Variants in EXOSC9 observed in about 807,000 individuals in gnomAD.
EXOSC9 encodes the protein exosome complex component RRP45.
EXOSC9 carries 38 observed loss-of-function variants against 56.5 expected under a neutral mutation model. The ratio of observed to expected loss-of-function variants is 0.67; its 90% CI spans 0.52 to 0.88. EXOSC9 has a LOEUF of 0.88. Among genes scored for constraint, EXOSC9 ranks in the 40% least tolerant of loss-of-function variants. EXOSC9 has a pLI of 0.00. For synonymous variants in EXOSC9, 170 were observed against 170.8 expected (o/e 0.99, Z 0.04); for missense variants, 559 against 530.5 (o/e 1.05, Z -0.53).
At chr4:121,806,781 T>C (rs1425478942) in intron 5 of EXOSC9, among the ~76,000 whole-genome samples, 4 of 151,990 alleles carry the variant, frequency 2.6e-5, no homozygotes, top group African/African-American at 9.7e-5. Flanking sequence ...TCCATTTATA[T>C]AGAATGCTCA....
chr4:121,801,395 T>C lies in EXOSC9; in HGVS notation c.-30T>C. 6.2e-7 allele frequency: 1 copy of C among 1,608,778 alleles called. No individual in the cohort carries two copies. Among genetic ancestry groups the C allele is most frequent in the Non-Finnish European group, 8.5e-7 (1 of 1,175,100 alleles). ...CGGGTTCCGTTTTTCCCGCGGATTC[T>C]GGTGCCTGTGGGGCCGGTGACCCAA... is the stretch of plus-strand genomic sequence containing the variant. On this transcript the variant is annotated 5_prime_UTR_variant, in exon 1 of 12. Coordinates refer to ENST00000243498, the MANE Select transcript of EXOSC9 (RefSeq NM_005033.3).
rs1364652447 is a variant in EXOSC9 at position 121,801,503 on chromosome 4, G to A, written c.66+13G>A. ...CGAAGAGAAGAAGGTATGGTTTGGTGCCCGCAGAATTGCGCGCTGCGTGGG... is the reference window on the plus strand; with the variant it reads ...CGAAGAGAAGAAGGTATGGTTTGGTACCCGCAGAATTGCGCGCTGCGTGGG... On this transcript the variant is annotated intron_variant, in intron 1 of 11. Coordinates refer to ENST00000243498, the MANE Select transcript of EXOSC9 (RefSeq NM_005033.3). The A allele has an allele frequency of 1.2e-6, 2 of 1,613,862 alleles. No homozygotes were observed. The highest frequency in any genetic ancestry group is 1.7e-5 in the Admixed American group (1 of 60,026).
In EXOSC9 at chr4:121,801,930, A is replaced by T. The variant is rs527916449; in HGVS notation, c.161+9A>T. The stretch of plus-strand genomic sequence containing the variant: ...GAACTTGGAAAAACAAGGTAACAGG[A>T]TTTAAATGAGATACACATTCGGAAG... On this transcript the variant is annotated intron_variant, in intron 2 of 11. Coordinates refer to ENST00000243498, the MANE Select transcript of EXOSC9 (RefSeq NM_005033.3). 4 of 1,588,794 alleles carry T rather than the reference A, an allele frequency of 2.5e-6. No individual in the cohort carries two copies. The South Asian group carries it at 4.4e-5, about 18-fold the overall frequency.
At chr4:121,813,638 G>T (rs907852349) in intron 9 of EXOSC9, 2 of 533,192 alleles carry the variant, frequency 3.8e-6, no homozygotes, top group Admixed American at 3.4e-5. Flanking sequence ...AATGTTGAGA[G>T]AATCTGTCTC....
Position 121,816,838 on chromosome 4 carries a change from GAA to G in EXOSC9, c.1303_1304del (p.Lys435GlufsTer15). The G allele has an allele frequency of 6.3e-7, 1 of 1,592,390 alleles. No homozygotes were observed. Among genetic ancestry groups the G allele is most frequent in the African/African-American group, 1.4e-5 (1 of 73,862 alleles). ...SKKPVKRRKK[K>X]RAAN ...AAAAGCCAGTGAAAAGAAGAAAAAA[GAA>G]GAGAGCTGCCAATTAAAGCTAACAG... On this transcript the variant is annotated frameshift_variant, in exon 12 of 12. Transcript: ENST00000243498. LOFTEE classifies it high-confidence loss of function.
At chr4:121,814,781 G>C (rs1326689423) in intron 10 of EXOSC9, 3 of 152,138 alleles carry the variant, frequency 2.0e-5, no homozygotes, top group Non-Finnish European at 2.9e-5. Context: ...TAAGTAACTA[G>C]AATACTGGTA....
intron 2 of EXOSC9, 124 bp downstream of exon 2, chr4:121,802,045 T>A (rs1726884547): frequency 8.5e-6 from 6 of 701,928 alleles, no homozygotes; most frequent in Non-Finnish European, 1.2e-5. Context: ...CTGACAAAAA[T>A]AAGTATTTTT....
chr4:121,803,264 C>G (rs1304318333), intron 4 of EXOSC9, among the ~76,000 whole-genome samples: 1 of 151,974 alleles, frequency 6.6e-6, no homozygotes, highest in South Asian at 2.1e-4. Context: ...CACCCTTTAT[C>G]TTAAAAGGGT....
At chr4:121,816,672 C>T (rs1430291205) in intron 11 of EXOSC9, 100 bp from the exon 12 acceptor site, 2 of 1,217,368 alleles carry the variant, frequency 1.6e-6, no homozygotes, top group African/African-American at 1.6e-5. Context: ...TCATAGCTGA[C>T]ACATTTTAGA....
intron 8 of EXOSC9, among the ~76,000 whole-genome samples, chr4:121,812,648 G>T (rs1443260018): frequency 6.6e-6 from 1 of 152,000 alleles, no homozygotes; most frequent in Non-Finnish European, 1.5e-5. Flanking sequence ...ATACCACCAT[G>T]CCCGGCTAAT....
At position 121,802,846 on chromosome 4, in the gene EXOSC9, G is replaced by A. The variant is rs1726909678; in HGVS notation, c.281+53G>A. 3 of 1,612,404 alleles carry A rather than the reference G, an allele frequency of 1.9e-6. No homozygotes were observed. In the Admixed American group the frequency reaches 5.0e-5, roughly 27 times the overall value. ...TTAGTCATAGGAGAACCTAACAGCA[G>A]TGAGCTTTTGTTTTAATACCTGGTG... On this transcript the variant is annotated intron_variant, in intron 3 of 11. Transcript: ENST00000243498.
rs2149038876 is a variant in EXOSC9 at position 121,813,350 on chromosome 4, TC to T, written c.945del (p.Ile316LeufsTer28). ...TSDVEEKAEE[I>X]IAEAEPPSEV... is the part of the protein sequence containing the mutation. ...GATGTAGAAGAAAAAGCAGAAGAAA[TC>T]ATTGCTGAAGCAGAACCTCCTTCAG... On this transcript the variant is annotated frameshift_variant, in exon 9 of 12. Coordinates refer to ENST00000243498, the MANE Select transcript of EXOSC9 (RefSeq NM_005033.3). LOFTEE classifies it high-confidence loss of function. 3.1e-6 allele frequency: 5 copies of T among 1,613,494 alleles called. No homozygotes were observed. Among genetic ancestry groups the T allele is most frequent in the Non-Finnish European group, 3.4e-6 (4 of 1,179,758 alleles).
rs772000650 is a variant in EXOSC9, at chr4:121,813,870, T to C, written c.979T>C (p.Ser327Pro). 5 of 1,608,644 alleles carry C rather than the reference T, an allele frequency of 3.1e-6. No individual in the cohort carries two copies. The South Asian group carries it at 4.4e-5, about 14-fold the overall frequency. The change falls in exon 10 of 12, where the codon TCT becomes CCT. Residue 327 changes from serine to proline, a missense_variant. Physicochemically the swap from Ser to Pro is moderately conservative, Grantham distance 74. Coordinates refer to ENST00000243498, the MANE Select transcript of EXOSC9 (RefSeq NM_005033.3). ...CAGTTTTCTTAACTTGTTAAGTGTT[T>C]CTACACCTGTGCTATGGACTCCTGG... ...AEAEPPSEVVSTPVLWTPGTA... is the reference protein window; with the variant it reads ...AEAEPPSEVVPTPVLWTPGTA...
chr4:121,806,209 A>G (rs1157164628), intron 5 of EXOSC9, among the ~76,000 whole-genome samples: 1 of 149,950 alleles, frequency 6.7e-6, no homozygotes, highest in Non-Finnish European at 1.5e-5. Context: ...CTAGAGTACA[A>G]TGGCGTGATC....
At chr4:121,806,060 C>T (rs183931247) in intron 5 of EXOSC9, among the ~76,000 whole-genome samples, 412 of 152,150 alleles carry the variant, frequency 2.7e-3, no homozygotes, top group African/African-American at 9.3e-3. Context: ...CCACCTTGGC[C>T]TCCCAAACTG....
chr4:121,816,982 T>A lies in EXOSC9; in HGVS notation c.*126T>A, dbSNP rs534409022. 2.1e-5 allele frequency: 20 copies of A among 967,958 alleles called. No individual in the cohort carries two copies. The highest frequency in any genetic ancestry group is 2.8e-5 in the Non-Finnish European group (19 of 689,702). 60.0% of individuals were successfully genotyped at this position (967,958 alleles called of 1,614,324 possible). Reference sequence around the variant, plus strand: ...TAGCAGGATTTTAAAAATAGTTTTTTGTTTTTAATGTGCTTTAAAATAATA... The same window carrying A: ...TAGCAGGATTTTAAAAATAGTTTTTAGTTTTTAATGTGCTTTAAAATAATA... On this transcript the variant is annotated 3_prime_UTR_variant, in exon 12 of 12. Transcript: ENST00000243498.
Position 121,813,240 on chromosome 4 carries a change from A to G in EXOSC9, c.834A>G (p.Glu278=). The part of the protein sequence containing the change: ...ALENDQKVRK[E]GGKFGFAESI... Reference sequence around the variant, plus strand: ...AAAAAACCCCCACATACAGGAAAGAAGGTGGAAAGTTTGGTTTTGCAGAGT... The same window carrying G: ...AAAAAACCCCCACATACAGGAAAGAGGGTGGAAAGTTTGGTTTTGCAGAGT... The change falls in exon 9 of 12, where the codon GAA becomes GAG. Residue 278 remains glutamate, a synonymous_variant. Transcript: ENST00000243498. 3 of 1,608,644 alleles carry G rather than the reference A, an allele frequency of 1.9e-6. No individual in the cohort carries two copies. The highest frequency in any genetic ancestry group is 2.7e-5 in the African/African-American group (2 of 74,922).
chr4:121,815,801 A>G lies in EXOSC9; in HGVS notation c.1157-568A>G, dbSNP rs1017167680. ...CACAAACAATTCAGTTGTCTCTACA[A>G]AAGATGCTATATACATTTCCCCCTA... On this transcript the variant is annotated intron_variant, in intron 10 of 11. Coordinates refer to ENST00000243498, the MANE Select transcript of EXOSC9 (RefSeq NM_005033.3). The G allele has an allele frequency of 1.5e-5, 15 of 1,019,800 alleles. No homozygotes were observed. In the African/African-American group the frequency reaches 2.6e-4, roughly 17 times the overall value. The allele number at this position is 1,019,800 out of a possible 1,614,324, so 63.2% of individuals were successfully genotyped here. A position where few individuals can be genotyped will look rare whatever the true frequency, so the allele number is the denominator to read the frequency against.
At position 121,813,412 on chromosome 4, in the gene EXOSC9, A is replaced by G. The variant is rs377217885; in HGVS notation, c.974+32A>G. Reference sequence around the variant, plus strand: ...TTATTTGGTGGTTTTTGCAGTAACAAGATTCATAACACTTGGCATTATAAT... The same window carrying G: ...TTATTTGGTGGTTTTTGCAGTAACAGGATTCATAACACTTGGCATTATAAT... On this transcript the variant is annotated intron_variant, in intron 9 of 11. Transcript: ENST00000243498. 1.0e-4 allele frequency: 160 copies of G among 1,594,118 alleles called. No homozygotes were observed. The African/African-American group carries it at 1.8e-3, about 18-fold the overall frequency.
Sources: allele counts gnomAD v4.1 joint callset (sites outside exome capture counted in the v4.1 genomes callset), GRCh38; gene constraint gnomAD v4.1.1; transcripts MANE v1.5; gene names NCBI Gene and HGNC (gene_info 2026-07-23, HGNC 2026-07-21).